FBXO4: variants seen among roughly 807,000 people sequenced by gnomAD.
FBXO4 encodes F-box only protein 4.
FBXO4 carries 36 observed loss-of-function variants against 43.7 expected under a neutral mutation model. The observed-to-expected ratio is 0.82, with a 90% CI of 0.63 to 1.09. FBXO4 has a LOEUF of 1.09. Ranked by LOEUF, FBXO4 falls within the 50% of genes least tolerant of loss-of-function variation. The pLI, the probability that FBXO4 is intolerant of heterozygous loss-of-function variation, is 0.00. For synonymous variants in FBXO4, 180 were observed against 165.6 expected, an observed-to-expected ratio of 1.09 and a Z score of -0.67; for missense variants, 435 against 474.1, an observed-to-expected ratio of 0.92 and a Z score of 0.77.
chr5:41,939,598 T>C lies in FBXO4; in HGVS notation c.1056T>C (p.Leu352=). The C allele has an allele frequency of 6.2e-7, 1 of 1,612,688 alleles. No homozygotes were observed. Among genetic ancestry groups the C allele is most frequent in the Non-Finnish European group, 8.5e-7 (1 of 1,179,262 alleles). ...TGGCTCATGAGCTGCATCTGAATCT[T>C]CTAAATCACCCATGGCTGGTAAGAT... is the stretch of plus-strand genomic sequence containing the variant. The part of the protein sequence containing the change: ...FYLAHELHLN[L]LNHPWLVQDT... Residue 352 remains leucine (L), a synonymous_variant, in exon 6 of 7, where the codon CTT becomes CTC. Coordinates refer to ENST00000281623, the MANE Select transcript of FBXO4 (RefSeq NM_012176.3).
At chr5:41,981,546 C>T in the FBXO4 span, among the ~76,000 whole-genome samples, 4 of 151,624 alleles carry the variant, frequency 2.6e-5, no homozygotes, top group Admixed American at 1.3e-4. Context: ...ATAACGTATA[C>T]TCTACTGAAT....
intron 5 of FBXO4, chr5:41,939,169 A>T: frequency 3.9e-6 from 1 of 255,816 alleles, no homozygotes. Context: ...TCATAAAAAA[A>T]GCTAAACTCT....
chr5:41,968,731 G>A, the FBXO4 span, among the ~76,000 whole-genome samples: 9 of 151,734 alleles, frequency 5.9e-5, 1 homozygote, highest in Admixed American at 6.6e-5. Context: ...GTTACATACC[G>A]AAATTTAAGA....
chr5:42,027,529 A>T, the FBXO4 span, among the ~76,000 whole-genome samples: 2 of 151,010 alleles, frequency 1.3e-5, no homozygotes, highest in Non-Finnish European at 3.0e-5. Context: ...TTTTCATTTC[A>T]ATTTCATTTA....
the FBXO4 span, among the ~76,000 whole-genome samples, chr5:41,965,709 A>T: frequency 6.6e-6 from 1 of 152,180 alleles, no homozygotes. Context: ...GCAATTTTAC[A>T]CTGTTGGTGG....
chr5:41,964,414 T>TA, the FBXO4 span, among the ~76,000 whole-genome samples: 42 of 151,062 alleles, frequency 2.8e-4, no homozygotes, highest in Admixed American at 5.9e-4. Flanking sequence ...TGTGTTTTAA[T>TA]AAAAAAAAAC....
At chr5:41,948,065 G>A in the FBXO4 span, among the ~76,000 whole-genome samples, 5 of 151,984 alleles carry the variant, frequency 3.3e-5, no homozygotes, top group East Asian at 9.6e-4. Context: ...GTGCAACTGA[G>A]GAACTAAATT....
chr5:41,972,862 T>C, the FBXO4 span, among the ~76,000 whole-genome samples: 1 of 152,166 alleles, frequency 6.6e-6, no homozygotes, highest in African/African-American at 2.4e-5. Flanking sequence ...GATAACTGGC[T>C]AGCCATAAAT....
chr5:41,945,447 TA>T (rs1752063261), downstream of FBXO4, among the ~76,000 whole-genome samples: 1 of 152,202 alleles, frequency 6.6e-6, no homozygotes, highest in Non-Finnish European at 1.5e-5. Flanking sequence ...TGCTATGGAA[TA>T]AAGATGAAAT....
the FBXO4 span, among the ~76,000 whole-genome samples, chr5:42,034,677 T>G: frequency 2.0e-5 from 3 of 152,198 alleles, no homozygotes; most frequent in South Asian, 4.1e-4. Context: ...TGGTTGTAGA[T>G]GTATGGTGTT....
the FBXO4 span, among the ~76,000 whole-genome samples, chr5:41,947,768 T>C: frequency 6.6e-6 from 1 of 152,134 alleles, no homozygotes. Flanking sequence ...GTTTAAGGTA[T>C]TGGAGGATGA....
the FBXO4 span, among the ~76,000 whole-genome samples, chr5:42,005,491 A>T: frequency 6.6e-6 from 1 of 152,158 alleles, no homozygotes; most frequent in Non-Finnish European, 1.5e-5. Context: ...TCCTTTCTCC[A>T]CAAGTTCCTA....
the FBXO4 span, chr5:41,963,874 C>T: frequency 6.6e-6 from 1 of 151,988 alleles, no homozygotes; most frequent in Non-Finnish European, 1.5e-5. Context: ...TTTTTAAAGG[C>T]TAGTCAACTG....
intron 3 of FBXO4, among the ~76,000 whole-genome samples, chr5:41,932,732 G>T (rs553304562): frequency 6.6e-6 from 1 of 152,164 alleles, no homozygotes; most frequent in Non-Finnish European, 1.5e-5. Flanking sequence ...GCAGAGGCCC[G>T]GGTGAGTGAT....
the FBXO4 span, among the ~76,000 whole-genome samples, chr5:42,004,622 T>G: frequency 6.6e-6 from 1 of 152,208 alleles, no homozygotes. Context: ...CAAAGCTCTT[T>G]CCTCTCTGAC....
chr5:41,999,519 A>ATG, the FBXO4 span, among the ~76,000 whole-genome samples: 41 of 115,494 alleles, frequency 3.5e-4, no homozygotes, highest in African/African-American at 1.7e-3. Flanking sequence ...ATATATATAT[A>ATG]TATACATATA....
At chr5:41,950,117 A>G in the FBXO4 span, among the ~76,000 whole-genome samples, 1 of 152,254 alleles carries the variant, frequency 6.6e-6, no homozygotes, top group Non-Finnish European at 1.5e-5. Flanking sequence ...AAACCCTAGA[A>G]GAAAACCTAG....
chr5:42,018,861 T>G, the FBXO4 span, among the ~76,000 whole-genome samples: 1 of 152,296 alleles, frequency 6.6e-6, no homozygotes, highest in East Asian at 1.9e-4. Flanking sequence ...ACTTCATCTT[T>G]GTCAATGCAA....
chr5:41,949,547 G>A, the FBXO4 span, among the ~76,000 whole-genome samples: 4 of 152,050 alleles, frequency 2.6e-5, no homozygotes, highest in Admixed American at 1.3e-4. Context: ...ACAAACCACG[G>A]CTCAAGGAAA....
Sources: allele counts gnomAD v4.1 joint callset (sites outside exome capture counted in the v4.1 genomes callset), GRCh38; gene constraint gnomAD v4.1.1; transcripts MANE v1.5; gene names NCBI Gene and HGNC (gene_info 2026-07-23, HGNC 2026-07-21).